Variants in SNX7 observed in about 807,000 individuals in gnomAD.
SNX7 encodes the protein sorting nexin 7.
Under a neutral mutation model 48.4 loss-of-function variants are expected in SNX7, and 35 were observed. The ratio of observed to expected loss-of-function variants is 0.72; its 90% confidence interval spans 0.55 to 0.96. The LOEUF is 0.96. SNX7 is among the 40% of genes least tolerant of loss of function. The pLI, the probability that SNX7 is intolerant of heterozygous loss-of-function variation, is 0.00. For synonymous variants in SNX7, 190 were observed against 190.2 expected (o/e 1.00, Z 0.01); for missense variants, 553 against 548.9 (o/e 1.01, Z -0.07).
intron 2 of SNX7, among the ~76,000 whole-genome samples, chr1:98,687,647 G>C (rs567923676): frequency 6.6e-6 from 1 of 152,174 alleles, no homozygotes; most frequent in East Asian, 1.9e-4. Context: ...AAGAAGGGGT[G>C]TTTGCATATG....
At chr1:98,662,022 T>A in intron 1 of SNX7, 111 bp downstream of exon 1, 1 of 1,139,226 alleles carries the variant, frequency 8.8e-7, no homozygotes, top group Non-Finnish European at 1.1e-6. Flanking sequence ...GCGGTGGCTC[T>A]GAGCTGGGGA....
At chr1:98,755,747 A>G (rs1654810846) in intron 8 of SNX7, among the ~76,000 whole-genome samples, 2 of 151,942 alleles carry the variant, frequency 1.3e-5, no homozygotes, top group Non-Finnish European at 2.9e-5. Flanking sequence ...TACAGGCATG[A>G]GCCACCATGC....
intron 7 of SNX7, among the ~76,000 whole-genome samples, chr1:98,733,889 A>G (rs1475837607): frequency 3.3e-5 from 5 of 152,096 alleles, no homozygotes; most frequent in African/African-American, 1.2e-4. Flanking sequence ...ATTTCCACAT[A>G]TCTCTGACTC....
intron 8 of SNX7, among the ~76,000 whole-genome samples, chr1:98,758,075 G>A (rs1654939380): frequency 6.6e-6 from 1 of 151,888 alleles, no homozygotes; most frequent in Admixed American, 6.6e-5. Flanking sequence ...ATTAGTTTGT[G>A]GGCTGTGTGC....
intron 4 of SNX7, among the ~76,000 whole-genome samples, chr1:98,693,371 A>G (rs1434189918): frequency 6.6e-6 from 1 of 152,186 alleles, no homozygotes; most frequent in African/African-American, 2.4e-5. Flanking sequence ...TCAATATTAA[A>G]CAGTTACTGG....
At chr1:98,700,443 A>G (rs188290052) in intron 6 of SNX7, among the ~76,000 whole-genome samples, 7 of 152,330 alleles carry the variant, frequency 4.6e-5, no homozygotes, top group Admixed American at 4.6e-4. Context: ...CTTTCTTGAC[A>G]TTAATGGTAT....
intron 7 of SNX7, among the ~76,000 whole-genome samples, chr1:98,723,387 A>G (rs1652989106): frequency 6.6e-6 from 1 of 152,116 alleles, no homozygotes; most frequent in Admixed American, 6.6e-5. Flanking sequence ...ACTTTTTGTT[A>G]AATTTATTAC....
intron 7 of SNX7, among the ~76,000 whole-genome samples, chr1:98,736,995 G>A (rs1653811921): frequency 6.6e-6 from 1 of 152,066 alleles, no homozygotes; most frequent in East Asian, 1.9e-4. Flanking sequence ...TAAAATCCAA[G>A]AACCTTACCA....
At chr1:98,738,717 C>A (rs1653920333) in intron 8 of SNX7, among the ~76,000 whole-genome samples, 1 of 152,132 alleles carries the variant, frequency 6.6e-6, no homozygotes, top group Non-Finnish European at 1.5e-5. Flanking sequence ...CATTTCAGGG[C>A]CTGTTCTCTA....
At position 98,695,717 on chromosome 1, in the gene SNX7, G is replaced by T. The variant is rs753908527; in HGVS notation, c.838+1G>T. 6.5e-6 allele frequency: 10 copies of T among 1,536,450 alleles called. No homozygotes were observed. Among genetic ancestry groups the T allele is most frequent in the Admixed American group, 1.7e-5 (1 of 59,780 alleles). On this transcript the variant is annotated splice_donor_variant, in intron 5 of 8. Coordinates refer to ENST00000306121, the MANE Select transcript of SNX7 (RefSeq NM_015976.5). LOFTEE classifies it high-confidence loss of function. ...CAGAGAATTTATAAGGAAGAAAGGG[G>T]TAAGTAGAATTACTGAAATGTGATT...
chr1:98,688,333 C>T (rs886754849), intron 2 of SNX7, among the ~76,000 whole-genome samples: 2 of 152,094 alleles, frequency 1.3e-5, no homozygotes, highest in Admixed American at 1.3e-4. Context: ...GGAAATTACC[C>T]TTTGTTGTCT....
chr1:98,723,727 C>T (rs550019165), intron 7 of SNX7, among the ~76,000 whole-genome samples: 1 of 152,062 alleles, frequency 6.6e-6, no homozygotes, highest in South Asian at 2.1e-4. Flanking sequence ...TGTAGTGGTG[C>T]ATGCCCGTAG....
At chr1:98,710,385 T>C (rs1254177320) in intron 7 of SNX7, among the ~76,000 whole-genome samples, 1 of 152,058 alleles carries the variant, frequency 6.6e-6, no homozygotes, top group Non-Finnish European at 1.5e-5. Flanking sequence ...AGCGTAACAA[T>C]GTTGCAGATA....
At chr1:98,701,039 A>G (rs1478507353) in intron 6 of SNX7, among the ~76,000 whole-genome samples, 2 of 152,212 alleles carry the variant, frequency 1.3e-5, no homozygotes, top group Non-Finnish European at 2.9e-5. Context: ...ATGAGTACAA[A>G]TAAAAAGAGT....
chr1:98,734,889 A>G (rs923067549), intron 7 of SNX7, among the ~76,000 whole-genome samples: 2 of 152,124 alleles, frequency 1.3e-5, no homozygotes, highest in Non-Finnish European at 2.9e-5. Flanking sequence ...AATTTTTCCA[A>G]TAACAGAGGG....
chr1:98,702,788 C>G (rs1029832599), intron 7 of SNX7, among the ~76,000 whole-genome samples: 1 of 152,026 alleles, frequency 6.6e-6, no homozygotes, highest in Non-Finnish European at 1.5e-5. Context: ...GACTTTTAAC[C>G]TAACGAACTT....
At position 98,661,836 on chromosome 1, in the gene SNX7, T is replaced by C. The variant is rs9728148; in HGVS notation, c.105T>C (p.Ser35=). Residue 35 remains serine, a synonymous_variant, in exon 1 of 9, where the codon AGT becomes AGC. Transcript: ENST00000306121. ...PGGGAPFPGS[S]GSSALLQAEV... ...GCGGCGCCCCCTTTCCGGGCAGCAG[T>C]GGCTCTTCCGCCCTGCTGCAGGCGG... 1,245,612 of 1,246,360 alleles carry C rather than the reference T, an allele frequency of 1. 622,434 individuals carry two copies. Among genetic ancestry groups the C allele is most frequent in the Middle Eastern group, 1 (3,356 of 3,356 alleles). 77.2% of individuals were successfully genotyped at this position (1,246,360 alleles called of 1,614,324 possible).
At chr1:98,717,522 C>T (rs1483745355) in intron 7 of SNX7, among the ~76,000 whole-genome samples, 1 of 152,124 alleles carries the variant, frequency 6.6e-6, no homozygotes, top group African/African-American at 2.4e-5. Context: ...ACCGCTATAT[C>T]TAATCCCAGA....
chr1:98,724,785 G>T (rs1653080494), intron 7 of SNX7, among the ~76,000 whole-genome samples: 1 of 152,164 alleles, frequency 6.6e-6, no homozygotes, highest in Non-Finnish European at 1.5e-5. Context: ...AAAAGGTTTT[G>T]ACTGGATATT....
Sources: allele counts gnomAD v4.1 joint callset (sites outside exome capture counted in the v4.1 genomes callset), GRCh38; gene constraint gnomAD v4.1.1; transcripts MANE v1.5; gene names NCBI Gene and HGNC (gene_info 2026-07-23, HGNC 2026-07-21).